Variants in PSG1 observed in about 807,000 individuals in gnomAD.
PSG1 encodes pregnancy-specific beta-1-glycoprotein 1.
In PSG1, 60 loss-of-function variants were observed where a neutral mutation model predicts 41.4. The observed-to-expected ratio is 1.45, with a 90% CI of 1.18 to 1.80. PSG1 has a LOEUF of 1.80. PSG1 is among the 40% of genes most tolerant of loss of function. The probability of loss-of-function intolerance (pLI) is 0.00; values close to 1 mark genes in which losing one functional copy is unlikely to be tolerated. For synonymous variants in PSG1, 256 were observed against 192.9 expected (o/e 1.33, Z -2.71); for missense variants, 806 against 516.9 (o/e 1.56, Z -5.42).
rs148094716 is a variant in PSG1, at chr19:42,871,121, C to T, written c.709+646G>A. On this transcript the variant is annotated intron_variant, in intron 3 of 5. Transcript: ENST00000436291. ...GGATCCACTTACCAGGGACTATGAT[C>T]CTCTTGATTATGAGATTTGTTCCAC... is the stretch of plus-strand genomic sequence containing the variant. Among the ~76,000 whole-genome samples the T allele has an allele frequency of 9.6e-3, 1,462 of 151,700 alleles. 41 individuals carry two copies. The highest frequency in any genetic ancestry group is 0.015 in the Non-Finnish European group (1,044 of 67,894).
chr19:42,873,888 C>T (rs981409079), intron 2 of PSG1, among the ~76,000 whole-genome samples: 1 of 151,618 alleles, frequency 6.6e-6, no homozygotes, highest in Non-Finnish European at 1.5e-5. Context: ...TTCATTTTCT[C>T]TTAAGCTCAG....
At position 42,867,018 on chromosome 19, in the gene PSG1, T is replaced by G. The variant is rs1451661795; in HGVS notation, c.*116A>C. ...GCTCATGCTTCACGTACAAGGGTTT[T>G]CCCATGAAATTTACATTGAGTTGTC... is the stretch of plus-strand genomic sequence containing the variant. On this transcript the variant is annotated 3_prime_UTR_variant, in exon 6 of 6. Transcript: ENST00000436291. 1.3e-6 allele frequency: 1 copy of G among 766,556 alleles called. No individual in the cohort carries two copies. The highest frequency in any genetic ancestry group is 2.4e-6 in the Non-Finnish European group (1 of 417,434). The allele number at this position is 766,556 out of a possible 1,614,324, so 47.5% of individuals were successfully genotyped here.
In PSG1 at chr19:42,868,196, T is replaced by C. The variant is rs760713015; in HGVS notation, c.1148A>G (p.His383Arg). The change falls in exon 5 of 6, where the codon CAT becomes CGT. Residue 383 changes from histidine to arginine, a missense_variant. Transcript: ENST00000436291. ...GAGCCCGCTATGCTTTGTAGTAATATGGCGGATAAAGAGCTTTTGTCCTGG... is the reference window on the plus strand; with the variant it reads ...GAGCCCGCTATGCTTTGTAGTAATACGGCGGATAAAGAGCTTTTGTCCTGG... The part of the protein sequence containing the change: ...QLPGQKLFIR[H>R]ITTKHSGLYV... 2.5e-6 allele frequency: 4 copies of C among 1,612,270 alleles called. No individual in the cohort carries two copies. The African/African-American group carries it at 5.4e-5, about 22-fold the overall frequency.
chr19:42,876,869 A>T (rs1383105118), intron 2 of PSG1: 2 of 152,180 alleles, frequency 1.3e-5, no homozygotes, highest in African/African-American at 4.9e-5. Flanking sequence ...GGTGCTTGGA[A>T]CCCAGTAAGC....
At chr19:42,873,510 A>C (rs772663139) in intron 2 of PSG1, among the ~76,000 whole-genome samples, 12 of 151,908 alleles carry the variant, frequency 7.9e-5, no homozygotes, top group African/African-American at 1.7e-4. Flanking sequence ...TGGAGGAAAC[A>C]TTAAAATGTT....
chr19:42,878,653 C>A (rs866803507), intron 1 of PSG1, among the ~76,000 whole-genome samples: 5 of 147,892 alleles, frequency 3.4e-5, no homozygotes, highest in African/African-American at 1.3e-4. Flanking sequence ...GCTTCAGAGA[C>A]CCTGGGTCTT....
intron 1 of PSG1, among the ~76,000 whole-genome samples, chr19:42,879,277 C>T (rs149618864): frequency 0.024 from 3,549 of 150,958 alleles, 185 homozygotes; most frequent in African/African-American, 0.082. Context: ...CTCAGCCTCC[C>T]GAGTAGCTAG....
At chr19:42,867,348 G>C in intron 5 of PSG1, 198 bp from the exon 6 acceptor site, 1 of 610,984 alleles carries the variant, frequency 1.6e-6, no homozygotes, top group African/African-American at 1.8e-5. Flanking sequence ...TTACATAAGT[G>C]CAGCAAGAGT....
In PSG1 at chr19:42,872,034, T is replaced by G; in HGVS notation, c.442A>C (p.Lys148Gln). ...AAGTTGCTGCTGGAGATGGAGGGCTTAGGAGTCTCCACTGTGCAGAAAACA... is the reference window on the plus strand; with the variant it reads ...AAGTTGCTGCTGGAGATGGAGGGCTGAGGAGTCTCCACTGTGCAGAAAACA... The part of the protein sequence containing the change: ...FTFTLHLETP[K>Q]PSISSSNLNP... The change falls in exon 3 of 6, where the codon AAG becomes CAG. Residue 148 changes from lysine (K) to glutamine (Q), a missense_variant. By Grantham distance (53) the Lys-to-Gln change is moderately conservative. Coordinates refer to ENST00000436291, the MANE Select transcript of PSG1 (RefSeq NM_001184825.2). The G allele has an allele frequency of 4.3e-6, 7 of 1,611,920 alleles. 1 individual carries two copies. The highest frequency in any genetic ancestry group is 5.9e-6 in the Non-Finnish European group (7 of 1,178,972).
chr19:42,870,619 GTT>G (rs1417152544), intron 3 of PSG1: 2 of 151,600 alleles, frequency 1.3e-5, no homozygotes, highest in Non-Finnish European at 2.9e-5. Context: ...TTAGGACAGT[GTT>G]TTCTAATTCT....
intron 3 of PSG1, 173 bp from the exon 4 acceptor site, chr19:42,869,207 TG>T: frequency 7.2e-7 from 1 of 1,393,976 alleles, no homozygotes; most frequent in Admixed American, 2.4e-5. Flanking sequence ...GCTCAAAGAC[TG>T]TGAGGCCGCC....
intron 2 of PSG1, among the ~76,000 whole-genome samples, chr19:42,872,755 C>T (rs1971447527): frequency 6.6e-6 from 1 of 151,696 alleles, no homozygotes; most frequent in Non-Finnish European, 1.5e-5. Context: ...GGACCAAGAC[C>T]ATGTTCTCTC....
Position 42,872,895 on chromosome 19 carries a change from C to T in PSG1, c.431-850G>A, listed in dbSNP as rs182633906. ...GGAAAGGGCGATCATGAACTGATGA[C>T]GGAAGTCTGGCCCTCATGGACCATA... On this transcript the variant is annotated intron_variant, in intron 2 of 5. Coordinates refer to ENST00000436291, the MANE Select transcript of PSG1 (RefSeq NM_001184825.2). Among the ~76,000 whole-genome samples, 62 of 151,878 alleles carry T rather than the reference C, an allele frequency of 4.1e-4. 2 individuals are homozygous for T. The highest frequency in any genetic ancestry group is 8.9e-4 in the African/African-American group (37 of 41,414).
chr19:42,867,404 A>G, intron 5 of PSG1: 1 of 574,138 alleles, frequency 1.7e-6, no homozygotes, highest in Non-Finnish European at 3.1e-6. Flanking sequence ...CTTTTCTCTA[A>G]GTTTTTATAA....
rs1971155241 is a variant in PSG1, at chr19:42,866,817, AG to A, written c.*316del. 1 of 583,648 alleles carries A rather than the reference AG, an allele frequency of 1.7e-6. No homozygotes were observed. Among genetic ancestry groups the A allele is most frequent in the South Asian group, 2.1e-5 (1 of 48,068 alleles). The allele number at this position is 583,648 out of a possible 1,614,324, so 36.2% of individuals were successfully genotyped here. On this transcript the variant is annotated 3_prime_UTR_variant, in exon 6 of 6. Transcript: ENST00000436291. ...TGACTGCATTATCCTGCCAAGTGAA[AG>A]AGGCAGGCATGAGCAAGGACAGTTA...
chr19:42,868,724 T>G (rs1162765787), intron 4 of PSG1, 32 bp downstream of exon 4: 1 of 1,608,982 alleles, frequency 6.2e-7, no homozygotes, highest in East Asian at 2.2e-5. Context: ...TAAGCTGGTG[T>G]CCTGGCCCAC....
chr19:42,879,418 C>A lies in PSG1; in HGVS notation c.64+100G>T, dbSNP rs531795892. 8.8e-5 allele frequency: 135 copies of A among 1,530,884 alleles called. 1 individual carries two copies. Among genetic ancestry groups the A allele is most frequent in the African/African-American group, 5.4e-4 (39 of 72,308 alleles). 94.8% of individuals were successfully genotyped at this position (1,530,884 alleles called of 1,614,324 possible). ...CCACCCACCTCAGACTCCCAAAGTG[C>A]TGGCTTCTTTCATTTTTTAGAACCC... On this transcript the variant is annotated intron_variant, in intron 1 of 5. Transcript: ENST00000436291.
Position 42,873,160 on chromosome 19 carries a change from G to A in PSG1, c.431-1115C>T, listed in dbSNP as rs970368142. Among the ~76,000 whole-genome samples the A allele has an allele frequency of 2.0e-5, 3 of 151,634 alleles. 1 individual carries two copies. The highest frequency in any genetic ancestry group is 4.4e-5 in the Non-Finnish European group (3 of 67,908). On this transcript the variant is annotated intron_variant, in intron 2 of 5. Coordinates refer to ENST00000436291, the MANE Select transcript of PSG1 (RefSeq NM_001184825.2). ...GAAGAGGAGGTTCTAGAGATCTCCT[G>A]TACAGCCTCATGCCTATACTTCATA...
chr19:42,875,508 G>C lies in PSG1; in HGVS notation c.430+2405C>G, dbSNP rs1007430074. ...GATGTTTCTCATTCTTTTGCATTCT[G>C]GCAACCGGCTGACCTCATCCATACC... On this transcript the variant is annotated intron_variant, in intron 2 of 5. Coordinates refer to ENST00000436291, the MANE Select transcript of PSG1 (RefSeq NM_001184825.2). Among the ~76,000 whole-genome samples, 29 of 151,522 alleles carry C rather than the reference G, an allele frequency of 1.9e-4. 1 individual carries two copies. Among genetic ancestry groups the C allele is most frequent in the African/African-American group, 6.8e-4 (28 of 41,206 alleles).
Sources: allele counts gnomAD v4.1 joint callset (sites outside exome capture counted in the v4.1 genomes callset), GRCh38; gene constraint gnomAD v4.1.1; transcripts MANE v1.5; gene names NCBI Gene and HGNC (gene_info 2026-07-23, HGNC 2026-07-21).